Variants in DCX observed in about 807,000 individuals in gnomAD.
The protein encoded by DCX is neuronal migration protein doublecortin.
A neutral mutation model predicts 20.9 loss-of-function variants in DCX; 4 were observed. That is an observed-to-expected ratio of 0.19 (90% CI 0.09 to 0.44). DCX has a LOEUF of 0.44. DCX is among the 20% of genes least tolerant of loss of function. DCX has a pLI of 0.99. For missense variants in DCX, 133 were observed against 296.9 expected (o/e 0.45, Z 4.06); for synonymous variants, 103 against 111.4 (o/e 0.92, Z 0.47).
At chrX:111,341,612 G>C (rs1922244607) in intron 3 of DCX, among the ~76,000 whole-genome samples, 1 of 111,247 alleles carries the variant, frequency 9.0e-6, no homozygotes, top group Non-Finnish European at 1.9e-5. Context: ...AAAATGTTAA[G>C]GGCAGCCAGA....
At chrX:111,305,757 A>G (rs1048171720) in intron 6 of DCX, among the ~76,000 whole-genome samples, 2 of 110,556 alleles carry the variant, frequency 1.8e-5, no homozygotes, top group African/African-American at 6.6e-5. Flanking sequence ...TGGACTTACT[A>G]TGTATAAAGA....
intron 3 of DCX, among the ~76,000 whole-genome samples, chrX:111,346,857 T>C (rs1002422051): frequency 1.8e-5 from 2 of 111,954 alleles, no homozygotes; most frequent in Non-Finnish European, 3.8e-5. Flanking sequence ...AAAAGAAATG[T>C]AAAAATGATT....
chrX:111,390,986 A>G (rs1436667756), intron 3 of DCX, among the ~76,000 whole-genome samples: 14 of 91,487 alleles, frequency 1.5e-4, no homozygotes, highest in Non-Finnish European at 2.6e-4. Flanking sequence ...AGTCTGGGCA[A>G]TAGTGATATC....
intron 3 of DCX, among the ~76,000 whole-genome samples, chrX:111,375,857 A>C (rs1020825573): frequency 3.6e-5 from 4 of 112,265 alleles, no homozygotes; most frequent in East Asian, 2.8e-4. Context: ...CAAATGACAG[A>C]CTACCACAAC....
chrX:111,332,461 C>T (rs1921336533), intron 4 of DCX, among the ~76,000 whole-genome samples: 2 of 111,701 alleles, frequency 1.8e-5, no homozygotes, highest in African/African-American at 3.3e-5. Context: ...CTTGTTGCTG[C>T]GTGAGCTAAT....
At position 111,379,999 on chromosome X, in the gene DCX, T is replaced by C. The variant is rs1382690373; in HGVS notation, c.705+20991A>G. Reference sequence around the variant, plus strand: ...ACGTGCTCCTTGGAGAAATATCTATTCAAGGCTCTGCCATTTTAAAATTGG... The same window carrying C: ...ACGTGCTCCTTGGAGAAATATCTATCCAAGGCTCTGCCATTTTAAAATTGG... On this transcript the variant is annotated intron_variant, in intron 3 of 6. Coordinates refer to ENST00000636035, the MANE Select transcript of DCX (RefSeq NM_001195553.2). Among the ~76,000 whole-genome samples, 3 of 111,846 alleles carry C rather than the reference T, an allele frequency of 2.7e-5. No individual in the cohort carries two copies. In the East Asian group the frequency reaches 8.4e-4, roughly 31 times the overall value.
At chrX:111,402,610 G>C (rs189886608) in intron 2 of DCX, among the ~76,000 whole-genome samples, 26 of 111,864 alleles carry the variant, frequency 2.3e-4, no homozygotes, top group African/African-American at 7.8e-4. Flanking sequence ...AGAAACACCA[G>C]GTTGATAATT....
At chrX:111,382,499 T>G (rs141484515) in intron 3 of DCX, among the ~76,000 whole-genome samples, 3,394 of 112,098 alleles carry the variant, frequency 0.03, 141 homozygotes, top group African/African-American at 0.1. Flanking sequence ...ATGTTATCCT[T>G]TAGCAATTTC....
At chrX:111,304,950 C>A (rs1337582945) in intron 6 of DCX, among the ~76,000 whole-genome samples, 1 of 111,627 alleles carries the variant, frequency 9.0e-6, no homozygotes, top group Non-Finnish European at 1.9e-5. Context: ...CAAGAGAATG[C>A]TAAGATGGAG....
chrX:111,384,075 A>G (rs1038049424), intron 3 of DCX, among the ~76,000 whole-genome samples: 1 of 111,993 alleles, frequency 8.9e-6, no homozygotes, highest in South Asian at 3.8e-4. Flanking sequence ...TTCTACTTCA[A>G]AGCTTAGACC....
chrX:111,372,401 G>A (rs896767535), intron 3 of DCX, among the ~76,000 whole-genome samples: 3 of 112,026 alleles, frequency 2.7e-5, no homozygotes, highest in Non-Finnish European at 5.6e-5. Flanking sequence ...CAGAACGAGA[G>A]AATGGGCAGG....
chrX:111,391,596 G>T (rs187586177), intron 3 of DCX, among the ~76,000 whole-genome samples: 4 of 110,502 alleles, frequency 3.6e-5, no homozygotes, highest in African/African-American at 6.6e-5. Flanking sequence ...CTTTTTTTGT[G>T]GGGGGAAGCG....
intron 3 of DCX, among the ~76,000 whole-genome samples, chrX:111,369,164 C>A (rs1293612645): frequency 9.0e-6 from 1 of 110,878 alleles, no homozygotes; most frequent in Admixed American, 9.7e-5. Flanking sequence ...ATGCTGCCAG[C>A]TGATTAGATG....
intron 3 of DCX, among the ~76,000 whole-genome samples, chrX:111,340,900 C>T (rs1397875538): frequency 5.4e-5 from 6 of 111,052 alleles, no homozygotes; most frequent in Admixed American, 1.9e-4. Context: ...CCTCAAAGAT[C>T]GAAACTAGAC....
intron 3 of DCX, among the ~76,000 whole-genome samples, chrX:111,348,457 T>C (rs1182016190): frequency 8.9e-6 from 1 of 111,745 alleles, no homozygotes; most frequent in Non-Finnish European, 1.9e-5. Flanking sequence ...TTGCCATTTT[T>C]CCAAGAGTCT....
chrX:111,388,457 T>C (rs1926689775), intron 3 of DCX, among the ~76,000 whole-genome samples: 1 of 112,021 alleles, frequency 8.9e-6, no homozygotes, highest in Non-Finnish European at 1.9e-5. Context: ...AAAATACAAA[T>C]AAATACCTGA....
At chrX:111,385,797 GA>G (rs1926436746) in intron 3 of DCX, among the ~76,000 whole-genome samples, 1 of 79,378 alleles carries the variant, frequency 1.3e-5, no homozygotes, top group Non-Finnish European at 2.4e-5. Context: ...AGGAAGGAAG[GA>G]AGGAAGGAAG....
intron 2 of DCX, among the ~76,000 whole-genome samples, chrX:111,407,143 A>T (rs1373867838): frequency 8.9e-6 from 1 of 111,862 alleles, no homozygotes; most frequent in Admixed American, 9.5e-5. Flanking sequence ...CTACTGTCTT[A>T]TTTAATCCTC....
Position 111,329,181 on chromosome X carries a change from G to A in DCX, c.946+1723C>T, listed in dbSNP as rs771763703. On this transcript the variant is annotated intron_variant, in intron 5 of 6. Coordinates refer to ENST00000636035, the MANE Select transcript of DCX (RefSeq NM_001195553.2). ...TCTCAGCCCAGGTGTTAAAACCTAG[G>A]TCTTTGTAGTTTCAGCAATATAAAT... is the stretch of plus-strand genomic sequence containing the variant. Among the ~76,000 whole-genome samples the A allele has an allele frequency of 4.5e-5, 5 of 112,010 alleles. No individual in the cohort carries two copies. The South Asian group carries it at 1.1e-3, about 25-fold the overall frequency.
Sources: gnomAD v4.1 joint callset for allele counts (sites outside exome capture counted in the v4.1 genomes callset) on GRCh38, gnomAD v4.1.1 for gene constraint, MANE v1.5 for transcripts, NCBI Gene and HGNC (gene_info 2026-07-23, HGNC 2026-07-21) for gene names.